Variants in NLGN4Y observed in about 807,000 individuals in gnomAD.
The protein encoded by NLGN4Y is neuroligin 4 Y-linked.
NLGN4Y carries 4 observed loss-of-function variants against 8.4 expected under a neutral mutation model. That is an observed-to-expected ratio of 0.48 (90% CI 0.23 to 1.09). The LOEUF (loss-of-function observed/expected upper bound fraction) is 1.09, where lower values mean the gene tolerates loss of function less well. Ranked by LOEUF, NLGN4Y falls within the 50% of genes least tolerant of loss-of-function variation. The probability of loss-of-function intolerance (pLI) is 0.19; values close to 1 mark genes in which losing one functional copy is unlikely to be tolerated. For synonymous variants in NLGN4Y, 35 were observed against 75.6 expected, an observed-to-expected ratio of 0.46 and a Z score of 2.78; for missense variants, 90 against 192.3, an observed-to-expected ratio of 0.47 and a Z score of 3.15.
At chrY:14,748,589 C>T in intron 4 of NLGN4Y, 1 of 180,076 alleles carries the variant, frequency 5.6e-6, no homozygotes, top group South Asian at 3.9e-5. Flanking sequence ...AATATCAGGC[C>T]CTCATCTGTC....
At chrY:14,828,121 T>C (rs2043155537) in intron 5 of NLGN4Y, among the ~76,000 whole-genome samples, 1 of 33,186 alleles carries the variant, frequency 3.0e-5, no homozygotes, top group Admixed American at 2.8e-4. Context: ...CCCAACATAC[T>C]CATTTTGCTA....
chrY:14,719,639 G>T (rs1007653092), intron 3 of NLGN4Y, 121 bp downstream of exon 3: 1 of 96,008 alleles, frequency 1.0e-5, no homozygotes, highest in African/African-American at 1.0e-4. Context: ...ACTTTTGTGT[G>T]CTTCTTTATT....
intron 1 of NLGN4Y, among the ~76,000 whole-genome samples, chrY:14,598,148 G>A (rs369431014): frequency 2.9e-5 from 1 of 34,984 alleles, no homozygotes; most frequent in South Asian, 6.2e-4. Context: ...AGTGGATCCC[G>A]CACTGGGGCT....
At chrY:14,632,585 A>ACTATGT (rs2080552942) in intron 2 of NLGN4Y, among the ~76,000 whole-genome samples, 7 of 33,619 alleles carry the variant, frequency 2.1e-4, no homozygotes, top group Non-Finnish European at 5.1e-4. Flanking sequence ...AAAATTGAAA[A>ACTATGT]CTATGTTAAC....
chrY:14,702,337 A>G (rs1603502867), intron 2 of NLGN4Y, among the ~76,000 whole-genome samples: 10 of 30,449 alleles, frequency 3.3e-4, no homozygotes, highest in Non-Finnish European at 7.9e-5. Flanking sequence ...AACAGGCCCC[A>G]GTGTGTGATG....
intron 1 of NLGN4Y, among the ~76,000 whole-genome samples, chrY:14,581,652 G>T (rs373831864): frequency 1.5e-4 from 5 of 33,834 alleles, no homozygotes; most frequent in Non-Finnish European, 2.2e-4. Context: ...TGTGCATTCC[G>T]CTATCTAATT....
chrY:14,684,347 C>T, intron 2 of NLGN4Y, among the ~76,000 whole-genome samples: 1 of 33,052 alleles, frequency 3.0e-5, no homozygotes, highest in Admixed American at 2.8e-4. Flanking sequence ...GACTGGGCAA[C>T]ATACAGAGAA....
intron 4 of NLGN4Y, among the ~76,000 whole-genome samples, chrY:14,793,267 C>G: frequency 9.0e-5 from 3 of 33,463 alleles, no homozygotes; most frequent in African/African-American, 3.5e-4. Context: ...TATTGGGTTT[C>G]TTAGCTGTGC....
At chrY:14,590,184 A>T (rs1044617373) in intron 1 of NLGN4Y, among the ~76,000 whole-genome samples, 3 of 34,185 alleles carry the variant, frequency 8.8e-5, no homozygotes, top group Admixed American at 2.5e-4. Context: ...CCTCCCTGCA[A>T]GCTGAAGGAG....
At chrY:14,756,896 T>C (rs200905676) in intron 4 of NLGN4Y, among the ~76,000 whole-genome samples, 1 of 16,341 alleles carries the variant, frequency 6.1e-5, no homozygotes, top group Non-Finnish European at 1.3e-4. Flanking sequence ...TATATATATA[T>C]ATATATATAT....
intron 1 of NLGN4Y, among the ~76,000 whole-genome samples, chrY:14,605,839 C>T: frequency 3.0e-5 from 1 of 33,674 alleles, no homozygotes; most frequent in Non-Finnish European, 7.3e-5. Flanking sequence ...AGATTGTAAT[C>T]TCCTTTATAC....
At chrY:14,657,741 G>T in intron 2 of NLGN4Y, among the ~76,000 whole-genome samples, 7 of 33,194 alleles carry the variant, frequency 2.1e-4, no homozygotes, top group Admixed American at 1.9e-3. Flanking sequence ...AGTATCTACA[G>T]AAATTACTTG....
rs1363470053 is a variant in NLGN4Y at position 14,841,843 on chromosome Y, T to A, written c.*581T>A. The stretch of plus-strand genomic sequence containing the variant: ...AAGGAGGTATTCTGCCAGCCTGAAC[T>A]ATATTTAAGAAACTTTGTAAAAAAT... On this transcript the variant is annotated 3_prime_UTR_variant, in exon 7 of 7. Coordinates refer to ENST00000684976, the MANE Select transcript of NLGN4Y (RefSeq NM_001365588.1). 8.2e-6 allele frequency: 1 copy of A among 121,548 alleles called. No homozygotes were observed. The highest frequency in any genetic ancestry group is 1.0e-4 in the Admixed American group (1 of 9,836). 30.3% of individuals were successfully genotyped at this position (121,548 alleles called of 400,897 possible). A position where few individuals can be genotyped will look rare whatever the true frequency, so the allele number is the denominator to read the frequency against.
Position 14,843,687 on chromosome Y carries a change from C to A in NLGN4Y, c.*2425C>A. Reference sequence around the variant, plus strand: ...TCTACGTGAAAAGAAGTTATAGAATCTTCATAGAGTTCCATGAGAAAAATA... The same window carrying A: ...TCTACGTGAAAAGAAGTTATAGAATATTCATAGAGTTCCATGAGAAAAATA... On this transcript the variant is annotated 3_prime_UTR_variant, in exon 7 of 7. Coordinates refer to ENST00000684976, the MANE Select transcript of NLGN4Y (RefSeq NM_001365588.1). The A allele has an allele frequency of 8.4e-6, 1 of 118,831 alleles. No homozygotes were observed. Among genetic ancestry groups the A allele is most frequent in the Non-Finnish European group, 1.8e-5 (1 of 55,642 alleles). The allele number at this position is 118,831 out of a possible 400,897, so 29.6% of individuals were successfully genotyped here.
At chrY:14,689,114 T>C in intron 2 of NLGN4Y, among the ~76,000 whole-genome samples, 4 of 31,011 alleles carry the variant, frequency 1.3e-4, no homozygotes. Flanking sequence ...TTCTCACTCA[T>C]GTTCAAGGTT....
intron 5 of NLGN4Y, among the ~76,000 whole-genome samples, chrY:14,826,343 T>C (rs762816216): frequency 7.9e-3 from 199 of 25,141 alleles, no homozygotes; most frequent in Admixed American, 0.017. Context: ...CTTTTCTTTT[T>C]TTTTTTTTTT....
At chrY:14,593,123 G>A (rs2080379548) in intron 1 of NLGN4Y, among the ~76,000 whole-genome samples, 1 of 33,630 alleles carries the variant, frequency 3.0e-5, no homozygotes, top group Non-Finnish European at 7.4e-5. Context: ...CTTTGGGGAA[G>A]CCTGAATCTA....
intron 1 of NLGN4Y, among the ~76,000 whole-genome samples, chrY:14,612,538 ACAGT>A (rs2080473579): frequency 3.9e-4 from 13 of 33,578 alleles, no homozygotes; most frequent in African/African-American, 1.5e-3. Context: ...TTTCTTTCTA[ACAGT>A]CAGGCCGCTC....
chrY:14,778,034 T>TATAAATAAATAAATAA (rs200967958), intron 4 of NLGN4Y, among the ~76,000 whole-genome samples: 3 of 20,914 alleles, frequency 1.4e-4, no homozygotes, highest in Non-Finnish European at 2.1e-4. Flanking sequence ...CCTGTCTCTG[T>TATAAATAAATAAATAA]ATAAATAAAT....
Sources: gnomAD v4.1 joint callset for allele counts (sites outside exome capture counted in the v4.1 genomes callset) on GRCh38, gnomAD v4.1.1 for gene constraint, MANE v1.5 for transcripts, NCBI Gene and HGNC (gene_info 2026-07-23, HGNC 2026-07-21) for gene names.